Variants in AP5M1 observed in about 807,000 individuals in gnomAD.
AP5M1 encodes the protein AP-5 complex subunit mu-1.
AP5M1 carries 44 observed loss-of-function variants against 52.3 expected under a neutral mutation model. The ratio of observed to expected loss-of-function variants is 0.84; its 90% CI spans 0.66 to 1.08. AP5M1 has a LOEUF of 1.08. Ranked by LOEUF, AP5M1 falls within the 50% of genes least tolerant of loss-of-function variation. AP5M1 has a pLI of 0.00. For synonymous variants in AP5M1, 213 were observed against 199.0 expected, an observed-to-expected ratio of 1.07 and a Z score of -0.59; for missense variants, 526 against 568.4, an observed-to-expected ratio of 0.93 and a Z score of 0.76.
rs538643189 is a variant in AP5M1, at chr14:57,283,755, G to A, written c.1293+525G>A. Among the ~76,000 whole-genome samples the A allele has an allele frequency of 8.5e-4, 129 of 152,300 alleles. 1 individual carries two copies. Among genetic ancestry groups the A allele is most frequent in the African/African-American group, 3.1e-3 (128 of 41,560 alleles). On this transcript the variant is annotated intron_variant, in intron 6 of 7. Transcript: ENST00000261558. ...AATCCCAGCACTTTGGGAGGCCAAG[G>A]CAGGTGGATCGCTTAATCCCAGGAG...
In AP5M1 at chr14:57,290,465, A is replaced by T. The variant is rs1249191532; in HGVS notation, c.*1581A>T. On this transcript the variant is annotated 3_prime_UTR_variant, in exon 8 of 8. Transcript: ENST00000261558. ...ACATTTCACTTATGTTGATAAGTTA[A>T]TGGTAATGGAGCCATTTGGAATCTT... is the stretch of plus-strand genomic sequence containing the variant. 6.6e-5 allele frequency: 10 copies of T among 152,110 alleles called. No homozygotes were observed. The East Asian group carries it at 1.9e-3, about 29-fold the overall frequency. 9.4% of individuals were successfully genotyped at this position (152,110 alleles called of 1,614,324 possible). A position where few individuals can be genotyped will look rare whatever the true frequency, so the allele number is the denominator to read the frequency against.
Position 57,293,776 on chromosome 14 carries a change from C to T in AP5M1, c.*4892C>T, listed in dbSNP as rs1885492462. 6.6e-6 allele frequency: 1 copy of T among 151,556 alleles called. No individual in the cohort carries two copies. The highest frequency in any genetic ancestry group is 2.4e-5 in the African/African-American group (1 of 41,330). 9.4% of individuals were successfully genotyped at this position (151,556 alleles called of 1,614,324 possible). On this transcript the variant is annotated 3_prime_UTR_variant, in exon 8 of 8. Transcript: ENST00000261558. ...TGAATTTACGTAAATGTGTACAACA[C>T]TAGTGTGTCTGACTTGGTGGGTTTC...
intron 2 of AP5M1, among the ~76,000 whole-genome samples, chr14:57,279,973 A>G (rs1353484830): frequency 6.6e-6 from 1 of 152,184 alleles, no homozygotes; most frequent in Non-Finnish European, 1.5e-5. Flanking sequence ...TCTTTGTAAG[A>G]GCTTTAGAGA....
intron 2 of AP5M1, among the ~76,000 whole-genome samples, chr14:57,279,828 G>A (rs1233920514): frequency 6.6e-6 from 1 of 152,154 alleles, no homozygotes. Flanking sequence ...AGATAGCTCT[G>A]GCATTAATGG....
chr14:57,289,840 A>T lies in AP5M1; in HGVS notation c.*956A>T, dbSNP rs1184769611. On this transcript the variant is annotated 3_prime_UTR_variant, in exon 8 of 8. Coordinates refer to ENST00000261558, the MANE Select transcript of AP5M1 (RefSeq NM_018229.4). ...TAGTATATATCTCCTTAAAGCTGTC[A>T]CTCTCACTTTCTTACCATTCTCTTG... 1 of 151,820 alleles carries T rather than the reference A, an allele frequency of 6.6e-6. No homozygotes were observed. The highest frequency in any genetic ancestry group is 6.6e-5 in the Admixed American group (1 of 15,192). The allele number at this position is 151,820 out of a possible 1,614,324, so 9.4% of individuals were successfully genotyped here.
At chr14:57,276,117 CTATTT>C (rs1173793539) in intron 2 of AP5M1, among the ~76,000 whole-genome samples, 1 of 151,544 alleles carries the variant, frequency 6.6e-6, no homozygotes, top group African/African-American at 2.4e-5. Context: ...GTTTTTGTGT[CTATTT>C]TAAACTCATA....
At chr14:57,276,784 T>C (rs1885049980) in intron 2 of AP5M1, among the ~76,000 whole-genome samples, 1 of 152,184 alleles carries the variant, frequency 6.6e-6, no homozygotes, top group Non-Finnish European at 1.5e-5. Flanking sequence ...ATTATCATGA[T>C]GGACAACTTC....
intron 1 of AP5M1, chr14:57,273,622 T>A: frequency 1.5e-6 from 1 of 653,018 alleles, no homozygotes; most frequent in South Asian, 1.7e-5. Flanking sequence ...AACATTCTGA[T>A]TTTATTCTTT....
rs74780520 is a variant in AP5M1, at chr14:57,290,001, G to A, written c.*1117G>A. 4.0e-4 allele frequency: 61 copies of A among 151,674 alleles called. No individual in the cohort carries two copies. Among genetic ancestry groups the A allele is most frequent in the African/African-American group, 1.4e-3 (58 of 41,416 alleles). 9.4% of individuals were successfully genotyped at this position (151,674 alleles called of 1,614,324 possible). ...CATTCAAGAAAAGATGAAATCTCAC[G>A]AACCTCAAAACTTCATTCATGTCTT... On this transcript the variant is annotated 3_prime_UTR_variant, in exon 8 of 8. Transcript: ENST00000261558.
At position 57,280,432 on chromosome 14, in the gene AP5M1, C is replaced by G. The variant is rs780166946; in HGVS notation, c.948+10C>G. ...CTTCTACACTTCCCAGGTAACAACC[C>G]TAGAATAGTTGAGAGTTTGCTGATC... On this transcript the variant is annotated intron_variant, in intron 3 of 7. Coordinates refer to ENST00000261558, the MANE Select transcript of AP5M1 (RefSeq NM_018229.4). 18 of 1,552,536 alleles carry G rather than the reference C, an allele frequency of 1.2e-5. No homozygotes were observed. The South Asian group carries it at 1.9e-4, about 16-fold the overall frequency.
In AP5M1 at chr14:57,292,563, G is replaced by T. The variant is rs148628931; in HGVS notation, c.*3679G>T. 1 of 151,652 alleles carries T rather than the reference G, an allele frequency of 6.6e-6. No homozygotes were observed. The highest frequency in any genetic ancestry group is 1.5e-5 in the Non-Finnish European group (1 of 67,768). The allele number at this position is 151,652 out of a possible 1,614,324, so 9.4% of individuals were successfully genotyped here. A position where few individuals can be genotyped will look rare whatever the true frequency, so the allele number is the denominator to read the frequency against. On this transcript the variant is annotated 3_prime_UTR_variant, in exon 8 of 8. Coordinates refer to ENST00000261558, the MANE Select transcript of AP5M1 (RefSeq NM_018229.4). ...TAGAACAAACATTTCTTTTTGCTTC[G>T]CCTAACAATGATATTAGGAAACATA...
In AP5M1 at chr14:57,291,448, T is replaced by C. The variant is rs1444034097; in HGVS notation, c.*2564T>C. 5.3e-5 allele frequency: 8 copies of C among 151,882 alleles called. No homozygotes were observed. 9.4% of individuals were successfully genotyped at this position (151,882 alleles called of 1,614,324 possible). On this transcript the variant is annotated 3_prime_UTR_variant, in exon 8 of 8. Transcript: ENST00000261558. ...TTCATGATTTTGTAAACGCTTCTTT[T>C]CTCCATTTTTTACTAAACAATATTT...
At chr14:57,269,466 C>T in intron 1 of AP5M1, 78 bp downstream of exon 1, 2 of 1,459,698 alleles carry the variant, frequency 1.4e-6, no homozygotes, top group South Asian at 1.2e-5. Context: ...TGCTTCGTGG[C>T]CCAGGTTTGC....
chr14:57,293,715 A>G lies in AP5M1; in HGVS notation c.*4831A>G, dbSNP rs559182229. ...TTTGAAATTCACCATCACAGAATATATATATATATACACACAACATATATA... is the reference window on the plus strand; with the variant it reads ...TTTGAAATTCACCATCACAGAATATGTATATATATACACACAACATATATA... On this transcript the variant is annotated 3_prime_UTR_variant, in exon 8 of 8. Transcript: ENST00000261558. 6.6e-6 allele frequency: 1 copy of G among 151,606 alleles called. No homozygotes were observed. The highest frequency in any genetic ancestry group is 1.9e-4 in the East Asian group (1 of 5,170). The allele number at this position is 151,606 out of a possible 1,614,324, so 9.4% of individuals were successfully genotyped here.
In AP5M1 at chr14:57,292,968, A is replaced by G. The variant is rs1032151604; in HGVS notation, c.*4084A>G. ...GCATTCATTTTCAGAATGCTTTTTT[A>G]AAAAAAAAAAGTGACAGCATTACCA... On this transcript the variant is annotated 3_prime_UTR_variant, in exon 8 of 8. Coordinates refer to ENST00000261558, the MANE Select transcript of AP5M1 (RefSeq NM_018229.4). 1.4e-5 allele frequency: 2 copies of G among 146,556 alleles called. No individual in the cohort carries two copies. The highest frequency in any genetic ancestry group is 3.0e-5 in the Non-Finnish European group (2 of 65,884). The allele number at this position is 146,556 out of a possible 1,614,324, so 9.1% of individuals were successfully genotyped here.
At chr14:57,286,753 T>C (rs995325926) in intron 7 of AP5M1, among the ~76,000 whole-genome samples, 4 of 152,178 alleles carry the variant, frequency 2.6e-5, no homozygotes, top group African/African-American at 4.8e-5. Flanking sequence ...AGGATTGTTA[T>C]GAGGTTTAGA....
At chr14:57,274,082 A>G (rs1884958048) in intron 1 of AP5M1, among the ~76,000 whole-genome samples, 162 bp from the exon 2 acceptor site, 1 of 152,150 alleles carries the variant, frequency 6.6e-6, no homozygotes, top group African/African-American at 2.4e-5. Flanking sequence ...TGGTCATTAT[A>G]ATTTTTTGGT....
intron 2 of AP5M1, among the ~76,000 whole-genome samples, chr14:57,279,774 G>T (rs1050114194): frequency 6.6e-6 from 1 of 152,142 alleles, no homozygotes; most frequent in Non-Finnish European, 1.5e-5. Flanking sequence ...ATCACTGAAA[G>T]GATTTGAGCA....
chr14:57,269,826 T>G (rs1884834718), intron 1 of AP5M1, among the ~76,000 whole-genome samples: 1 of 152,230 alleles, frequency 6.6e-6, no homozygotes, highest in South Asian at 2.1e-4. Flanking sequence ...TTTATTTTTT[T>G]GAGACGGAGT....
Sources: allele counts gnomAD v4.1 joint callset (sites outside exome capture counted in the v4.1 genomes callset), GRCh38; gene constraint gnomAD v4.1.1; transcripts MANE v1.5; gene names NCBI Gene and HGNC (gene_info 2026-07-23, HGNC 2026-07-21).